PC: variants seen among roughly 807,000 people sequenced by gnomAD.
PC encodes pyruvate carboxylase, mitochondrial.
Under a neutral mutation model 107.8 loss-of-function variants are expected in PC, and 46 were observed. The observed-to-expected ratio is 0.43, with a 90% CI of 0.34 to 0.55. The LOEUF is 0.55. PC is among the 20% of genes least tolerant of loss of function. The probability of loss-of-function intolerance (pLI) is 0.04; values close to 1 mark genes in which losing one functional copy is unlikely to be tolerated. For synonymous variants in PC, 662 were observed against 684.7 expected, an observed-to-expected ratio of 0.97 and a Z score of 0.52; for missense variants, 1,241 against 1,643.1, an observed-to-expected ratio of 0.76 and a Z score of 4.23.
rs754865095 is a variant in PC at position 66,853,296 on chromosome 11, C to T, written c.1456G>A (p.Glu486Lys). 6.2e-7 allele frequency: 1 copy of T among 1,614,062 alleles called. No individual in the cohort carries two copies. Among genetic ancestry groups the T allele is most frequent in the South Asian group, 1.1e-5 (1 of 91,084 alleles). ...TGTGCAGGCCGCAGCTGGAACAGCT[C>T]TGGGTTCTCGTCGATGAACTGGGTG... is the stretch of plus-strand genomic sequence containing the variant. Reference protein sequence around the residue: ...VDTQFIDENPELFQLRPAQNR... With the variant: ...VDTQFIDENPKLFQLRPAQNR... Residue 486 changes from glutamate to lysine, a missense_variant, in exon 13 of 23, where the codon GAG (glutamate) becomes AAG (lysine). Physicochemically the swap from Glu to Lys is moderately conservative, Grantham distance 56 (BLOSUM62 1). Coordinates refer to ENST00000393960, the MANE Select transcript of PC (RefSeq NM_001040716.2).
intron 3 of PC, among the ~76,000 whole-genome samples, chr11:66,936,930 C>T (rs991455401): frequency 5.9e-5 from 9 of 152,112 alleles, no homozygotes; most frequent in Admixed American, 2.0e-4. Flanking sequence ...ACCTCCGCCT[C>T]CCAAGTTCAA....
chr11:66,924,694 C>A (rs1948673536), intron 3 of PC, among the ~76,000 whole-genome samples: 1 of 152,186 alleles, frequency 6.6e-6, no homozygotes. Flanking sequence ...CTCCTCAGCT[C>A]AAGCAATCCA....
At position 66,870,012 on chromosome 11, in the gene PC, G is replaced by A. The variant is rs1225612481; in HGVS notation, c.903+290C>T. ...AGGGATGAGCTGATGCCACAGAGAA[G>A]CCAGGTCTGTGTAGCAGCAGGGCTG... is the stretch of plus-strand genomic sequence containing the variant. On this transcript the variant is annotated intron_variant, in intron 9 of 22. Coordinates refer to ENST00000393960, the MANE Select transcript of PC (RefSeq NM_001040716.2). The surrounding 1 kb of genome is among the most constrained non-coding windows in gnomAD (Gnocchi z 6.1). Among the ~76,000 whole-genome samples, 1 of 152,212 alleles carries A rather than the reference G, an allele frequency of 6.6e-6. No individual in the cohort carries two copies. The highest frequency in any genetic ancestry group is 2.4e-5 in the African/African-American group (1 of 41,452).
chr11:66,880,239 C>T (rs1307154514), intron 3 of PC, among the ~76,000 whole-genome samples: 1 of 152,168 alleles, frequency 6.6e-6, no homozygotes, highest in African/African-American at 2.4e-5. Context: ...GGGCGTGGCC[C>T]CCTCACACCA....
chr11:66,865,797 C>T (rs1946468524), intron 11 of PC, among the ~76,000 whole-genome samples: 1 of 152,174 alleles, frequency 6.6e-6, no homozygotes, highest in African/African-American at 2.4e-5. Flanking sequence ...ACCCCCACCC[C>T]CAGGTCCTGC....
chr11:66,953,151 C>G (rs1359740846), intron 2 of PC, among the ~76,000 whole-genome samples: 2 of 152,212 alleles, frequency 1.3e-5, no homozygotes, highest in Non-Finnish European at 2.9e-5. Flanking sequence ...CTGCCACCCA[C>G]TACACATGAA....
intron 3 of PC, among the ~76,000 whole-genome samples, chr11:66,887,219 C>T (rs560848760): frequency 2.6e-5 from 4 of 152,298 alleles, no homozygotes; most frequent in Middle Eastern, 3.4e-3. Flanking sequence ...CCAAGCTCCA[C>T]CCCAACCCAG....
Position 66,852,696 on chromosome 11 carries a change from G to A in PC, c.1604-36C>T, listed in dbSNP as rs531090927. ...CAGGGGCATTGGTGCCCATCCTGCA[G>A]GTGGCAACCTCCTGTCTCCCCCATG... On this transcript the variant is annotated intron_variant, in intron 14 of 22. Coordinates refer to ENST00000393960, the MANE Select transcript of PC (RefSeq NM_001040716.2). The surrounding 1 kb of genome is among the most constrained non-coding windows in gnomAD (Gnocchi z 4.7). The A allele has an allele frequency of 1.1e-5, 17 of 1,611,432 alleles. No individual in the cohort carries two copies. The highest frequency in any genetic ancestry group is 1.4e-5 in the Non-Finnish European group (16 of 1,177,866).
Position 66,852,752 on chromosome 11 carries a change from G to C in PC, c.1598C>G (p.Pro533Arg), listed in dbSNP as rs1349418463. 1.2e-6 allele frequency: 2 copies of C among 1,608,704 alleles called. No homozygotes were observed. Among genetic ancestry groups the C allele is most frequent in the East Asian group, 4.5e-5 (2 of 44,742 alleles). ...ACAGAATGGATCTCACCTACCTATG[G>C]GCACTGCAGGGACAACGGGGTCCGT... The part of the protein sequence containing the change: ...SPTDPVVPAV[P>R]IGPPPAGFRD... Residue 533 changes from proline to arginine, a missense_variant, in exon 14 of 23, where the codon CCC (proline) becomes CGC (arginine). Pro to Arg is a moderately radical substitution (Grantham distance 103, BLOSUM62 -2). This residue lies in a region of PC where 1,143 missense variants were observed against 1,551.9 expected (regional missense o/e 0.74). Coordinates refer to ENST00000393960, the MANE Select transcript of PC (RefSeq NM_001040716.2). This position sits in a 1 kb window ranked among gnomAD's most constrained non-coding sequence, Gnocchi z 4.7.
chr11:66,955,046 C>T (rs1317121215), intron 1 of PC, among the ~76,000 whole-genome samples: 3 of 152,184 alleles, frequency 2.0e-5, no homozygotes, highest in Admixed American at 2.0e-4. Flanking sequence ...GCCATACTGA[C>T]CTTGGTGCTG....
chr11:66,858,661 G>C lies in PC; in HGVS notation c.1368+5113C>G. On this transcript the variant is annotated intron_variant, in intron 12 of 22. Transcript: ENST00000393960. This position sits in a 1 kb window ranked among gnomAD's most constrained non-coding sequence, Gnocchi z 5.9. Reference sequence around the variant, plus strand: ...GCCACGCTGCGGTGCCGGGCCCTGGGTGACCCCGCGCCTACCATGCACTGG... The same window carrying C: ...GCCACGCTGCGGTGCCGGGCCCTGGCTGACCCCGCGCCTACCATGCACTGG... 6.5e-7 allele frequency: 1 copy of C among 1,543,552 alleles called. No individual in the cohort carries two copies. Among genetic ancestry groups the C allele is most frequent in the Non-Finnish European group, 8.7e-7 (1 of 1,144,494 alleles).
chr11:66,859,968 A>G, intron 12 of PC: 1 of 1,601,680 alleles, frequency 6.2e-7, no homozygotes, highest in Non-Finnish European at 8.5e-7. Context: ...GTCCCAGACC[A>G]ATGGAGGCCC....
At chr11:66,917,937 G>C (rs1948501201) in intron 3 of PC, among the ~76,000 whole-genome samples, 2 of 152,138 alleles carry the variant, frequency 1.3e-5, no homozygotes, top group Admixed American at 6.5e-5. Context: ...CTGCAGGAAG[G>C]GGACAAACTG....
intron 10 of PC, among the ~76,000 whole-genome samples, chr11:66,867,883 C>T (rs1469352874): frequency 2.0e-5 from 3 of 152,220 alleles, no homozygotes; most frequent in Non-Finnish European, 4.4e-5. Context: ...GCAGCCACCC[C>T]GACAGCATCC....
chr11:66,909,450 C>G (rs998216210), intron 3 of PC, among the ~76,000 whole-genome samples: 10 of 152,198 alleles, frequency 6.6e-5, no homozygotes, highest in African/African-American at 1.4e-4. Flanking sequence ...CCGCTCCCCC[C>G]CGAAGAGAAG....
intron 3 of PC, among the ~76,000 whole-genome samples, chr11:66,922,304 G>A (rs1469210650): frequency 1.3e-5 from 2 of 152,074 alleles, no homozygotes; most frequent in African/African-American, 4.8e-5. Flanking sequence ...ACCGGGCACA[G>A]TGGCTGAGAC....
chr11:66,914,511 C>A (rs1340114537), intron 3 of PC, among the ~76,000 whole-genome samples: 35 of 142,180 alleles, frequency 2.5e-4, no homozygotes, highest in African/African-American at 2.3e-4. Context: ...AACTCTGTCT[C>A]AAAAAAAAAA....
At chr11:66,917,147 C>G (rs1948481480) in intron 3 of PC, among the ~76,000 whole-genome samples, 1 of 151,912 alleles carries the variant, frequency 6.6e-6, no homozygotes, top group Admixed American at 6.5e-5. Context: ...TCTCAGCTCA[C>G]TGCAACCTCA....
In PC at chr11:66,849,356, C is replaced by T. The variant is rs1243803235; in HGVS notation, c.3162G>A (p.Arg1054=). The change falls in exon 22 of 23, where the codon CGG becomes CGA. Residue 1054 remains arginine (R), a synonymous_variant. Transcript: ENST00000393960. ...GGGCTTTGATGTGCAGCGTCTTGCCCCGCTCCAGCTCCACCTGCAGGGAGG... is the reference window on the plus strand; with the variant it reads ...GGGCTTTGATGTGCAGCGTCTTGCCTCGCTCCAGCTCCACCTGCAGGGAGG... The part of the protein sequence containing the change: ...IAEEFEVELE[R]GKTLHIKALA... 1 of 1,612,994 alleles carries T rather than the reference C, an allele frequency of 6.2e-7. No homozygotes were observed. Among genetic ancestry groups the T allele is most frequent in the South Asian group, 1.1e-5 (1 of 91,066 alleles).
Sources: gnomAD v4.1 joint callset for allele counts (sites outside exome capture counted in the v4.1 genomes callset) on GRCh38, gnomAD v4.1.1 for gene constraint, gnomAD v4.1.1 regional missense constraint, Gnocchi (gnomAD v3.1) non-coding constraint, MANE v1.5 for transcripts, NCBI Gene and HGNC (gene_info 2026-07-23, HGNC 2026-07-21) for gene names.